The following AGBL1 variants were observed in gnomAD, a reference collection of about 807,000 sequenced individuals.
The protein encoded by AGBL1 is AGBL carboxypeptidase 1.
In AGBL1, 130 loss-of-function variants were observed where a neutral mutation model predicts 118.9. The observed-to-expected ratio is 1.09, with a 90% confidence interval of 0.95 to 1.26. The LOEUF (loss-of-function observed/expected upper bound fraction) is 1.26. AGBL1 is among the 50% of genes most tolerant of loss of function. The probability of loss-of-function intolerance (pLI) is 0.00; values close to 1 mark genes in which losing one functional copy is unlikely to be tolerated. For missense variants in AGBL1, 1,584 were observed against 1,298.1 expected (o/e 1.22, Z -3.38); for synonymous variants, 555 against 478.9 (o/e 1.16, Z -2.08).
chr15:86,648,692 A>G (rs2085324464), intron 21 of AGBL1, among the ~76,000 whole-genome samples: 3 of 152,202 alleles, frequency 2.0e-5, no homozygotes, highest in Admixed American at 2.0e-4. Flanking sequence ...TGAAGTGTAG[A>G]GACTAACAGA....
intron 17 of AGBL1, among the ~76,000 whole-genome samples, chr15:86,347,715 A>T (rs1222045428): frequency 6.6e-6 from 1 of 152,208 alleles, no homozygotes; most frequent in Non-Finnish European, 1.5e-5. Context: ...TATATTAATG[A>T]ATTTCACCTA....
At chr15:86,140,877 A>G (rs926475682) in intron 1 of AGBL1, among the ~76,000 whole-genome samples, 3 of 152,342 alleles carry the variant, frequency 2.0e-5, no homozygotes, top group Admixed American at 2.0e-4. Context: ...GTAATGAATA[A>G]TGAAGCTGAA....
chr15:86,158,441 G>A (rs922843128), intron 4 of AGBL1, among the ~76,000 whole-genome samples: 2 of 152,300 alleles, frequency 1.3e-5, no homozygotes, highest in East Asian at 3.9e-4. Flanking sequence ...AAAGACAGAC[G>A]AGAGTGTCTG....
intron 1 of AGBL1, chr15:86,139,812 C>G (rs940988110): frequency 1.9e-5 from 3 of 155,162 alleles, no homozygotes; most frequent in African/African-American, 7.3e-5. Flanking sequence ...AAGTGGGGCC[C>G]ACCTGGGTGA....
chr15:86,232,801 C>T (rs925479652), intron 6 of AGBL1, among the ~76,000 whole-genome samples: 9 of 152,130 alleles, frequency 5.9e-5, no homozygotes, highest in African/African-American at 1.9e-4. Flanking sequence ...AAGGACAATG[C>T]CCTCCTGCCT....
chr15:86,309,730 T>C (rs565948840), intron 17 of AGBL1, among the ~76,000 whole-genome samples: 9 of 152,332 alleles, frequency 5.9e-5, no homozygotes, highest in African/African-American at 2.2e-4. Flanking sequence ...TGTTCATGTT[T>C]TGTAACACAT....
At chr15:86,649,934 C>A (rs919977616) in intron 21 of AGBL1, among the ~76,000 whole-genome samples, 26 of 152,136 alleles carry the variant, frequency 1.7e-4, no homozygotes, top group African/African-American at 5.6e-4. Context: ...ATAACTCACT[C>A]ACCAATCAAT....
intron 5 of AGBL1, among the ~76,000 whole-genome samples, chr15:86,207,396 C>T (rs962132196): frequency 1.3e-5 from 2 of 152,082 alleles, no homozygotes; most frequent in African/African-American, 4.8e-5. Context: ...TATAAATTAC[C>T]TTGGGCAGTA....
intron 21 of AGBL1, among the ~76,000 whole-genome samples, chr15:86,558,415 A>G (rs977314341): frequency 8.5e-5 from 13 of 152,176 alleles, no homozygotes; most frequent in Admixed American, 7.9e-4. Context: ...GGGCCATTCC[A>G]GCTCTAGATA....
At chr15:86,132,311 G>A (rs7179069) in intron 1 of AGBL1, among the ~76,000 whole-genome samples, 19,843 of 152,114 alleles carry the variant, frequency 0.13, 1,383 homozygotes, top group Middle Eastern at 0.23. Context: ...TGTCCTGAAT[G>A]CTCTTAATTG....
At chr15:86,238,080 TC>T (rs1174915518) in intron 6 of AGBL1, among the ~76,000 whole-genome samples, 1 of 152,184 alleles carries the variant, frequency 6.6e-6, no homozygotes, top group Non-Finnish European at 1.5e-5. Context: ...TCAAGGGTCT[TC>T]CCTGATCATC....
At chr15:86,755,073 G>A (rs1010183693) in intron 22 of AGBL1, among the ~76,000 whole-genome samples, 25 of 152,210 alleles carry the variant, frequency 1.6e-4, no homozygotes, top group African/African-American at 6.0e-4. Flanking sequence ...ATATATGTCT[G>A]AGAAAGACCA....
At chr15:86,737,573 C>T (rs1034010038) in intron 22 of AGBL1, among the ~76,000 whole-genome samples, 4 of 152,216 alleles carry the variant, frequency 2.6e-5, no homozygotes, top group Admixed American at 1.3e-4. Flanking sequence ...GCTATAACCA[C>T]ATTGTGTAGT....
chr15:86,923,546 C>T (rs193165891), intron 23 of AGBL1, among the ~76,000 whole-genome samples: 11 of 152,312 alleles, frequency 7.2e-5, no homozygotes, highest in South Asian at 2.1e-4. Flanking sequence ...TATCCATGAA[C>T]GCTTAAAGCA....
chr15:86,670,633 G>A (rs57690460), intron 21 of AGBL1, among the ~76,000 whole-genome samples: 965 of 37,854 alleles, frequency 0.025, 11 homozygotes, highest in East Asian at 0.14. Context: ...ACACAAACAC[G>A]CTGTGTGTGT....
intron 22 of AGBL1, among the ~76,000 whole-genome samples, chr15:86,904,789 AAAGT>A (rs1215227874): frequency 6.6e-6 from 1 of 151,062 alleles, no homozygotes. Context: ...AATAAATTAA[AAAGT>A]AATTCCACAA....
intron 21 of AGBL1, among the ~76,000 whole-genome samples, chr15:86,570,815 C>A (rs867292619): frequency 6.6e-5 from 10 of 152,106 alleles, no homozygotes; most frequent in Non-Finnish European, 1.3e-4. Context: ...GCATCTTTGC[C>A]CAAGTTTTGC....
chr15:86,606,300 T>C (rs1446156876), intron 21 of AGBL1, among the ~76,000 whole-genome samples: 4 of 152,122 alleles, frequency 2.6e-5, no homozygotes, highest in Non-Finnish European at 5.9e-5. Context: ...CACAATCTCC[T>C]TAGAAACAGA....
intron 18 of AGBL1, among the ~76,000 whole-genome samples, chr15:86,520,710 G>T (rs2083178221): frequency 6.6e-6 from 1 of 152,122 alleles, no homozygotes; most frequent in South Asian, 2.1e-4. Context: ...GTCACAGTCA[G>T]TGTTACAAAG....
Sources: gnomAD v4.1 joint callset for allele counts (sites outside exome capture counted in the v4.1 genomes callset) on GRCh38, gnomAD v4.1.1 for gene constraint, MANE v1.5 for transcripts, NCBI Gene and HGNC (gene_info 2026-07-23, HGNC 2026-07-21) for gene names.